CASK: variants seen among roughly 807,000 people sequenced by gnomAD.
CASK encodes the protein calcium/calmodulin dependent serine protein kinase.
CASK carries 4 observed loss-of-function variants against 82.9 expected under a neutral mutation model. The observed-to-expected ratio is 0.05, with a 90% CI of 0.02 to 0.11. The LOEUF (loss-of-function observed/expected upper bound fraction) is 0.11, where lower values mean the gene tolerates loss of function less well. Ranked by LOEUF, CASK falls within the 10% of genes least tolerant of loss-of-function variation. The probability of loss-of-function intolerance (pLI) is 1.00; values close to 1 mark genes in which losing one functional copy is unlikely to be tolerated. For synonymous variants in CASK, 259 were observed against 253.5 expected (o/e 1.02, Z -0.20); for missense variants, 358 against 720.9 (o/e 0.50, Z 5.76).
At chrX:41,530,945 C>T in intron 25 of CASK, 62 bp downstream of exon 25, 1 of 1,022,378 alleles carries the variant, frequency 9.8e-7, no homozygotes, top group Non-Finnish European at 1.4e-6. Context: ...TTTTTGATTT[C>T]AGAATCTGTG....
In CASK at chrX:41,899,095, T is replaced by C. The variant is rs182200834; in HGVS notation, c.59+23835A>G. Among the ~76,000 whole-genome samples the C allele has an allele frequency of 8.0e-5, 9 of 111,934 alleles. No homozygotes were observed. In the East Asian group the frequency reaches 2.5e-3, roughly 31 times the overall value. ...ATTTGCTTTATATATGTAAATGTTCTGATGTTGGGTGCATATATATTTTAT... is the reference window on the plus strand; with the variant it reads ...ATTTGCTTTATATATGTAAATGTTCCGATGTTGGGTGCATATATATTTTAT... On this transcript the variant is annotated intron_variant, in intron 1 of 26. Transcript: ENST00000378163.
chrX:41,888,359 T>C lies in CASK; in HGVS notation c.59+34571A>G, dbSNP rs1421982961. On this transcript the variant is annotated intron_variant, in intron 1 of 26. Coordinates refer to ENST00000378163, the MANE Select transcript of CASK (RefSeq NM_001367721.1). ...TTTTTTTTTATTTCTGAGATTTTGA[T>C]GCACCCATCACCCAAGCAGTGTACA... is the stretch of plus-strand genomic sequence containing the variant. 3.6e-5 allele frequency among the ~76,000 whole-genome samples: 4 copies of C among 110,491 alleles called. No homozygotes were observed. In the East Asian group the frequency reaches 1.1e-3, roughly 31 times the overall value.
At chrX:41,526,175 T>C (rs951304267) in intron 25 of CASK, among the ~76,000 whole-genome samples, 4 of 111,613 alleles carry the variant, frequency 3.6e-5, no homozygotes, top group African/African-American at 9.8e-5. Context: ...TTCCTTCCTA[T>C]GCTCATAGAT....
intron 8 of CASK, among the ~76,000 whole-genome samples, chrX:41,637,421 C>G (rs779908662): frequency 1.7e-3 from 97 of 57,264 alleles, no homozygotes; most frequent in African/African-American, 7.2e-3. Context: ...GAGACAGGGT[C>G]TTCCTCTGTT....
rs141097801 is a variant in CASK, at chrX:41,837,947, C to A, written c.172+15168G>T. ...ACTCTTTTCTGGAGTGACTGTACCA[C>A]TTTATATTCACACCAGATATATGAA... On this transcript the variant is annotated intron_variant, in intron 2 of 26. Coordinates refer to ENST00000378163, the MANE Select transcript of CASK (RefSeq NM_001367721.1). 1.8e-3 allele frequency among the ~76,000 whole-genome samples: 200 copies of A among 112,161 alleles called. 1 individual carries two copies. The highest frequency in any genetic ancestry group is 6.1e-3 in the African/African-American group (189 of 30,899).
At chrX:41,885,695 T>C (rs937499209) in intron 1 of CASK, among the ~76,000 whole-genome samples, 1 of 112,002 alleles carries the variant, frequency 8.9e-6, no homozygotes, top group Admixed American at 9.5e-5. Context: ...CATGGTTACC[T>C]TGTCTTGTGT....
chrX:41,770,397 G>A (rs1219945334), intron 3 of CASK, among the ~76,000 whole-genome samples: 1 of 109,007 alleles, frequency 9.2e-6, no homozygotes, highest in Non-Finnish European at 1.9e-5. Context: ...TGTTACCCAG[G>A]CTGGCTGGCT....
At chrX:41,589,664 AT>A in intron 12 of CASK, 72 bp from the exon 13 acceptor site, 1 of 712,797 alleles carries the variant, frequency 1.4e-6, no homozygotes, top group Non-Finnish European at 2.2e-6. Flanking sequence ...CATATTTATT[AT>A]TTCACTAAAC....
At chrX:41,601,206 A>C (rs1160244075) in intron 12 of CASK, among the ~76,000 whole-genome samples, 1 of 111,347 alleles carries the variant, frequency 9.0e-6, no homozygotes, top group Non-Finnish European at 1.9e-5. Context: ...ATGTGAATAT[A>C]CTTAATGTCA....
At chrX:41,911,059 G>A (rs746101659) in intron 1 of CASK, among the ~76,000 whole-genome samples, 73 of 111,551 alleles carry the variant, frequency 6.5e-4, no homozygotes, top group Non-Finnish European at 1.2e-3. Context: ...ATTAAAGAAA[G>A]TCCTCAGTGA....
intron 5 of CASK, among the ~76,000 whole-genome samples, chrX:41,731,263 T>C (rs2068391822): frequency 1.8e-5 from 2 of 110,892 alleles, no homozygotes; most frequent in Non-Finnish European, 1.9e-5. Context: ...CTACAAAAAA[T>C]AGAAAAATTA....
intron 11 of CASK, among the ~76,000 whole-genome samples, chrX:41,616,748 C>T (rs2066207265): frequency 9.0e-6 from 1 of 110,878 alleles, no homozygotes; most frequent in South Asian, 3.9e-4. Flanking sequence ...GCTGGGATTA[C>T]AGGCACACAC....
At position 41,572,630 on chromosome X, in the gene CASK, G is replaced by A. The variant is rs182056374; in HGVS notation, c.1504-2884C>T. Among the ~76,000 whole-genome samples the A allele has an allele frequency of 5.4e-5, 6 of 111,834 alleles. No homozygotes were observed. The East Asian group carries it at 1.7e-3, about 31-fold the overall frequency. ...CTTTCTTCCTGACCTTTGTGCTACT[G>A]TTGTCATACATTTTATTTTTCCATA... On this transcript the variant is annotated intron_variant, in intron 15 of 26. Coordinates refer to ENST00000378163, the MANE Select transcript of CASK (RefSeq NM_001367721.1).
intron 4 of CASK, among the ~76,000 whole-genome samples, chrX:41,741,587 T>C (rs1055180291): frequency 4.6e-4 from 51 of 112,078 alleles, no homozygotes; most frequent in Admixed American, 2.9e-4. Flanking sequence ...TGAGGCTTTT[T>C]TCATTTGCAT....
At chrX:41,876,026 A>G (rs975594444) in intron 1 of CASK, among the ~76,000 whole-genome samples, 3 of 111,605 alleles carry the variant, frequency 2.7e-5, no homozygotes, top group Non-Finnish European at 5.7e-5. Context: ...ACAGGTAAAA[A>G]GTCCTATACT....
intron 1 of CASK, among the ~76,000 whole-genome samples, chrX:41,872,522 A>C (rs968343305): frequency 1.8e-5 from 2 of 111,987 alleles, no homozygotes; most frequent in African/African-American, 6.5e-5. Flanking sequence ...ACCTCTTATG[A>C]TGCTGTTCTT....
intron 1 of CASK, among the ~76,000 whole-genome samples, chrX:41,896,560 GA>G (rs1485822596): frequency 8.0e-5 from 9 of 112,109 alleles, no homozygotes; most frequent in Non-Finnish European, 3.8e-5. Context: ...AAACCTCTTA[GA>G]AATGAATTAT....
intron 2 of CASK, among the ~76,000 whole-genome samples, chrX:41,797,596 T>A (rs2069889308): frequency 8.9e-6 from 1 of 111,809 alleles, no homozygotes. Context: ...AGTGTATGTA[T>A]CACTGAATCA....
chrX:41,749,802 T>C (rs929428156), intron 3 of CASK, among the ~76,000 whole-genome samples: 18 of 111,904 alleles, frequency 1.6e-4, no homozygotes, highest in African/African-American at 5.8e-4. Context: ...GGTTAACTTC[T>C]AGAAATTAAC....
Sources: gnomAD v4.1 joint callset for allele counts (sites outside exome capture counted in the v4.1 genomes callset) on GRCh38, gnomAD v4.1.1 for gene constraint, MANE v1.5 for transcripts, NCBI Gene and HGNC (gene_info 2026-07-23, HGNC 2026-07-21) for gene names.